The following DAB1 variants were observed in gnomAD, a reference collection of about 807,000 sequenced individuals.
DAB1 encodes DAB adaptor protein 1, also known as disabled homolog 1.
A neutral mutation model predicts 64.6 loss-of-function variants in DAB1; 15 were observed. The observed-to-expected ratio is 0.23, with a 90% CI of 0.16 to 0.36. The LOEUF is 0.36. Among genes scored for constraint, DAB1 ranks in the 10% least tolerant of loss-of-function variants. The pLI is 1.00. For missense variants in DAB1, 596 were observed against 706.7 expected, an observed-to-expected ratio of 0.84 and a Z score of 1.78; for synonymous variants, 235 against 251.9, an observed-to-expected ratio of 0.93 and a Z score of 0.64.
intron 4 of DAB1, among the ~76,000 whole-genome samples, chr1:58,322,663 A>G (rs921252840): frequency 2.6e-5 from 4 of 152,242 alleles, no homozygotes; most frequent in African/African-American, 9.6e-5. Context: ...TAGTTCAACC[A>G]TTGTGGAAGA....
intron 5 of DAB1, among the ~76,000 whole-genome samples, chr1:58,130,660 C>G (rs1455712123): frequency 1.3e-5 from 2 of 151,806 alleles, no homozygotes; most frequent in Non-Finnish European, 2.9e-5. Flanking sequence ...CTGGTGGTGA[C>G]AAAATCTCTC....
rs114995477 is a variant in DAB1, at chr1:57,038,857, G to T, written c.724-12814C>A. On this transcript the variant is annotated intron_variant, in intron 9 of 14. Transcript: ENST00000371236. ...TGGGGAATGTTGGTGCAAGGATTTT[G>T]CTGGCACCTTATTAAGACATTGCAA... Among the ~76,000 whole-genome samples, 1,233 of 152,254 alleles carry T rather than the reference G, an allele frequency of 8.1e-3. 19 individuals carry two copies. The highest frequency in any genetic ancestry group is 0.028 in the African/African-American group (1,150 of 41,528).
intron 1 of DAB1, chr1:57,860,584 A>C (rs1168386505): frequency 1.3e-5 from 2 of 152,282 alleles, no homozygotes; most frequent in East Asian, 3.8e-4. Context: ...TTCTTTTGCC[A>C]ACAGGAGCTG....
chr1:57,437,647 A>T (rs188898203), intron 7 of DAB1, among the ~76,000 whole-genome samples: 1 of 152,322 alleles, frequency 6.6e-6, no homozygotes, highest in Non-Finnish European at 1.5e-5. Context: ...GGCAGAACTC[A>T]AATGAGACCA....
intron 4 of DAB1, among the ~76,000 whole-genome samples, chr1:57,083,260 A>G (rs915291968): frequency 1.3e-5 from 2 of 152,244 alleles, no homozygotes; most frequent in African/African-American, 4.8e-5. Flanking sequence ...GACTGCTGCC[A>G]GGTATGGCTG....
chr1:58,065,481 T>C (rs528004324), intron 5 of DAB1, among the ~76,000 whole-genome samples: 90 of 152,178 alleles, frequency 5.9e-4, no homozygotes, highest in Middle Eastern at 3.4e-3. Flanking sequence ...TATATTTTAG[T>C]AAAGGGAACT....
At chr1:58,150,849 C>A (rs528661609) in intron 4 of DAB1, among the ~76,000 whole-genome samples, 37 of 152,244 alleles carry the variant, frequency 2.4e-4, no homozygotes, top group Admixed American at 1.2e-3. Context: ...ACCGTCCCCT[C>A]ACCCCACGAC....
chr1:57,604,302 G>T (rs1456980330), intron 7 of DAB1, among the ~76,000 whole-genome samples: 1 of 152,076 alleles, frequency 6.6e-6, no homozygotes, highest in Admixed American at 6.6e-5. Flanking sequence ...TATCTGTGCT[G>T]CTGTGTTTAC....
At chr1:57,049,130 C>T (rs1458086070) in intron 9 of DAB1, among the ~76,000 whole-genome samples, 1 of 152,036 alleles carries the variant, frequency 6.6e-6, no homozygotes, top group African/African-American at 2.4e-5. Context: ...GGAATTAATG[C>T]TGTCTTTGGC....
intron 5 of DAB1, among the ~76,000 whole-genome samples, chr1:57,962,570 A>G (rs1645550327): frequency 6.6e-6 from 1 of 152,156 alleles, no homozygotes; most frequent in Admixed American, 6.5e-5. Context: ...GGAATAATAC[A>G]TTTACGAATC....
intron 5 of DAB1, among the ~76,000 whole-genome samples, chr1:58,008,405 G>C (rs1483215161): frequency 6.6e-6 from 1 of 152,140 alleles, no homozygotes. Context: ...AATGTGACCA[G>C]CTGGGAAGAG....
At chr1:58,424,711 G>C (rs1644804789) in intron 3 of DAB1, among the ~76,000 whole-genome samples, 2 of 152,078 alleles carry the variant, frequency 1.3e-5, no homozygotes, top group African/African-American at 4.8e-5. Flanking sequence ...GAAGGAATGG[G>C]GGCTCAAAAC....
rs182436452 is a variant in DAB1, at chr1:58,074,586, A to G, written n.387+75925T>C. Among the ~76,000 whole-genome samples the G allele has an allele frequency of 1.7e-3, 234 of 134,070 alleles. 1 individual carries two copies. Among genetic ancestry groups the G allele is most frequent in the African/African-American group, 5.7e-3 (212 of 37,126 alleles). The allele number at this position is 134,070 out of a possible 152,430, so 88.0% of individuals were successfully genotyped here. ...TGTGTATATATATATATATATATAT[A>G]TATATATATTTGAGAAACAGATGGT... is the stretch of plus-strand genomic sequence containing the variant. On this transcript the variant is annotated intron_variant and non_coding_transcript_variant, in intron 5 of 20. Coordinates refer to the DAB1 transcript ENST00000485760.
intron 4 of DAB1, among the ~76,000 whole-genome samples, chr1:58,223,300 A>T (rs1659273868): frequency 6.6e-6 from 1 of 152,212 alleles, no homozygotes; most frequent in African/African-American, 2.4e-5. Flanking sequence ...TGTCCAGAGA[A>T]AATTCTCCTG....
At chr1:58,480,536 A>G (rs961715499) in intron 3 of DAB1, among the ~76,000 whole-genome samples, 9 of 151,984 alleles carry the variant, frequency 5.9e-5, no homozygotes, top group African/African-American at 1.7e-4. Context: ...TCCCACCCCA[A>G]TGCAAACTAT....
At chr1:57,100,174 T>C (rs1407745504) in intron 4 of DAB1, among the ~76,000 whole-genome samples, 1 of 152,166 alleles carries the variant, frequency 6.6e-6, no homozygotes. Flanking sequence ...TCCCCATCTG[T>C]AAAATGAAGA....
chr1:57,363,967 G>A (rs939096114), intron 1 of DAB1, among the ~76,000 whole-genome samples: 2 of 152,040 alleles, frequency 1.3e-5, no homozygotes, highest in African/African-American at 4.8e-5. Context: ...ACCTAAAATT[G>A]AATATCCATT....
At chr1:58,506,334 C>T (rs975350098) in intron 2 of DAB1, 18 of 583,274 alleles carry the variant, frequency 3.1e-5, no homozygotes, top group Non-Finnish European at 4.5e-5. Flanking sequence ...ATGTGCACAA[C>T]GTGCAGGTTT....
At chr1:58,185,068 G>GCAAAA (rs570417659) in intron 4 of DAB1, among the ~76,000 whole-genome samples, 110 of 152,248 alleles carry the variant, frequency 7.2e-4, no homozygotes, top group Non-Finnish European at 1.2e-3. Flanking sequence ...CCCACATTCT[G>GCAAAA]CAAAACAAAA....
Sources: allele counts gnomAD v4.1 joint callset (sites outside exome capture counted in the v4.1 genomes callset), GRCh38; gene constraint gnomAD v4.1.1; transcripts MANE v1.5; gene names NCBI Gene and HGNC (gene_info 2026-07-23, HGNC 2026-07-21).